The following SEPTIN7 variants were observed in gnomAD, a reference collection of about 807,000 sequenced individuals.
SEPTIN7 encodes the protein septin 7.
Under a neutral mutation model 63.3 loss-of-function variants are expected in SEPTIN7, and 10 were observed. The ratio of observed to expected loss-of-function variants is 0.16; its 90% CI spans 0.10 to 0.27. The LOEUF (loss-of-function observed/expected upper bound fraction) is 0.27, where lower values mean the gene tolerates loss of function less well. SEPTIN7 is among the 10% of genes least tolerant of loss of function. The pLI is 1.00. For synonymous variants in SEPTIN7, 131 were observed against 165.3 expected (o/e 0.79, Z 1.59); for missense variants, 310 against 521.0 (o/e 0.59, Z 3.94).
intron 1 of SEPTIN7, among the ~76,000 whole-genome samples, chr7:35,816,469 A>G (rs1789075338): frequency 6.6e-6 from 1 of 152,088 alleles, no homozygotes; most frequent in Non-Finnish European, 1.5e-5. Context: ...TATTTCATTT[A>G]TCCGTTAGTT....
At chr7:35,852,879 A>G (rs1018195316) in intron 3 of SEPTIN7, among the ~76,000 whole-genome samples, 2 of 152,294 alleles carry the variant, frequency 1.3e-5, no homozygotes, top group East Asian at 1.9e-4. Context: ...TCACTGAATC[A>G]GTGTTATTCT....
chr7:35,807,687 A>G lies in SEPTIN7; in HGVS notation c.61+6417A>G, dbSNP rs562177010. Among the ~76,000 whole-genome samples the G allele has an allele frequency of 2.0e-3, 299 of 152,034 alleles. 2 individuals are homozygous for G. Among genetic ancestry groups the G allele is most frequent in the Non-Finnish European group, 2.9e-3 (200 of 67,948 alleles). ...CAATTTTTGTATTTTTAGTAGAGACAGGGTTTCTCCACATTGGTCAGGCTG... is the reference window on the plus strand; with the variant it reads ...CAATTTTTGTATTTTTAGTAGAGACGGGGTTTCTCCACATTGGTCAGGCTG... On this transcript the variant is annotated intron_variant, in intron 1 of 13. Coordinates refer to ENST00000350320, the MANE Select transcript of SEPTIN7 (RefSeq NM_001788.6).
chr7:35,862,833 A>G (rs569460970), intron 3 of SEPTIN7, among the ~76,000 whole-genome samples: 5 of 152,150 alleles, frequency 3.3e-5, no homozygotes, highest in Non-Finnish European at 5.9e-5. Context: ...GAAGCCATTT[A>G]TATTTTCATA....
intron 3 of SEPTIN7, among the ~76,000 whole-genome samples, chr7:35,852,569 C>G (rs1785012784): frequency 6.6e-6 from 1 of 152,072 alleles, no homozygotes. Flanking sequence ...TTGTCAGGTG[C>G]TATATTTTAC....
intron 11 of SEPTIN7, 97 bp from the exon 12 acceptor site, chr7:35,898,151 A>T: frequency 6.2e-6 from 5 of 811,630 alleles, no homozygotes; most frequent in Non-Finnish European, 7.3e-6. Context: ...TAATAGTGAC[A>T]TATAGCATCT....
chr7:35,824,771 A>C (rs1278732289), intron 1 of SEPTIN7, among the ~76,000 whole-genome samples: 1 of 152,220 alleles, frequency 6.6e-6, no homozygotes, highest in Admixed American at 6.5e-5. Context: ...TTTCATAATA[A>C]CCACATTTAA....
chr7:35,877,993 T>C (rs1044099707), intron 6 of SEPTIN7, among the ~76,000 whole-genome samples: 2 of 152,210 alleles, frequency 1.3e-5, no homozygotes, highest in Non-Finnish European at 2.9e-5. Flanking sequence ...GAATATCTCA[T>C]GTAATTTATT....
At chr7:35,828,067 G>A (rs1352464181) in intron 1 of SEPTIN7, among the ~76,000 whole-genome samples, 1 of 151,958 alleles carries the variant, frequency 6.6e-6, no homozygotes, top group East Asian at 1.9e-4. Flanking sequence ...TCATATGGGG[G>A]AACTGACAAA....
intron 3 of SEPTIN7, among the ~76,000 whole-genome samples, chr7:35,840,469 G>A (rs1177887417): frequency 1.3e-5 from 2 of 151,326 alleles, no homozygotes; most frequent in Non-Finnish European, 2.9e-5. Flanking sequence ...GTAGAGATGG[G>A]GTCTCACTGT....
intron 10 of SEPTIN7, among the ~76,000 whole-genome samples, chr7:35,889,581 T>C (rs1270138154): frequency 6.6e-6 from 1 of 152,174 alleles, no homozygotes; most frequent in Non-Finnish European, 1.5e-5. Context: ...CTCTTGCTCA[T>C]GTACTCAGGA....
At chr7:35,881,779 T>C (rs1786895254) in intron 7 of SEPTIN7, among the ~76,000 whole-genome samples, 1 of 152,082 alleles carries the variant, frequency 6.6e-6, no homozygotes, top group Middle Eastern at 3.4e-3. Flanking sequence ...ATGTCTGTAT[T>C]CTGTTTAGAA....
At chr7:35,874,417 C>T (rs1481490161) in intron 6 of SEPTIN7, among the ~76,000 whole-genome samples, 3 of 151,998 alleles carry the variant, frequency 2.0e-5, no homozygotes, top group African/African-American at 4.8e-5. Flanking sequence ...CTTCTGCTGT[C>T]ATTTTGAGTA....
At chr7:35,824,125 G>GT (rs931677437) in intron 1 of SEPTIN7, among the ~76,000 whole-genome samples, 22 of 148,272 alleles carry the variant, frequency 1.5e-4, no homozygotes, top group Non-Finnish European at 3.0e-4. Flanking sequence ...ACCTCCTGTA[G>GT]TTTTTTTTTC....
In SEPTIN7 at chr7:35,904,698, A is replaced by G. The variant is rs929050986; in HGVS notation, c.*405A>G. The G allele has an allele frequency of 1.0e-4, 16 of 155,318 alleles. No individual in the cohort carries two copies. Among genetic ancestry groups the G allele is most frequent in the African/African-American group, 3.8e-4 (16 of 41,576 alleles). The allele number at this position is 155,318 out of a possible 1,614,324, so 9.6% of individuals were successfully genotyped here. ...GATGCAAACTGTGCTTCTCTATGAT[A>G]ATTACAATACAAAGGTTCCATTCAG... is the stretch of plus-strand genomic sequence containing the variant. On this transcript the variant is annotated 3_prime_UTR_variant, in exon 14 of 14. Transcript: ENST00000350320.
At chr7:35,902,864 A>C in intron 12 of SEPTIN7, 2 of 572,126 alleles carry the variant, frequency 3.5e-6, no homozygotes, top group South Asian at 8.0e-5. Flanking sequence ...CCTGTTTCCC[A>C]AGATTATTGT....
chr7:35,863,793 G>A, intron 4 of SEPTIN7, 135 bp downstream of exon 4: 1 of 477,812 alleles, frequency 2.1e-6, no homozygotes, highest in East Asian at 3.4e-5. Context: ...TGGTAAATAT[G>A]ACTTCATAAA....
At position 35,821,106 on chromosome 7, in the gene SEPTIN7, G is replaced by A. The variant is rs115706895; in HGVS notation, c.62-10386G>A. Among the ~76,000 whole-genome samples, 542 of 152,210 alleles carry A rather than the reference G, an allele frequency of 3.6e-3. 3 individuals carry two copies. The highest frequency in any genetic ancestry group is 0.012 in the African/African-American group (510 of 41,528). On this transcript the variant is annotated intron_variant, in intron 1 of 13. Coordinates refer to ENST00000350320, the MANE Select transcript of SEPTIN7 (RefSeq NM_001788.6). ...CCACTAGGCTGCTGGTTTTTACTGT[G>A]ATTGTGTGCTGATGGTTTTCAAGGC...
chr7:35,827,458 T>A (rs1353547663), intron 1 of SEPTIN7, among the ~76,000 whole-genome samples: 1 of 152,196 alleles, frequency 6.6e-6, no homozygotes, highest in Non-Finnish European at 1.5e-5. Context: ...TTATGAGATA[T>A]GACAAGTCTA....
chr7:35,844,887 A>AACCTT, intron 3 of SEPTIN7, among the ~76,000 whole-genome samples: 1 of 152,232 alleles, frequency 6.6e-6, no homozygotes, highest in South Asian at 2.1e-4. Flanking sequence ...CATTGCTCCA[A>AACCTT]ACCTTACCTT....
Sources: allele counts gnomAD v4.1 joint callset (sites outside exome capture counted in the v4.1 genomes callset), GRCh38; gene constraint gnomAD v4.1.1; transcripts MANE v1.5; gene names NCBI Gene and HGNC (gene_info 2026-07-23, HGNC 2026-07-21).